ZNF592: variants seen among roughly 807,000 people sequenced by gnomAD.
ZNF592 encodes zinc finger protein 592, also known as spinocerebellar ataxia, autosomal recessive 5.
A neutral mutation model predicts 80.3 loss-of-function variants in ZNF592; 11 were observed. The observed-to-expected ratio is 0.14, with a 90% CI of 0.09 to 0.23. The LOEUF (loss-of-function observed/expected upper bound fraction) is 0.23. ZNF592 is among the 10% of genes least tolerant of loss of function. ZNF592 has a pLI of 1.00. For synonymous variants in ZNF592, 646 were observed against 640.3 expected (o/e 1.01, Z -0.13); for missense variants, 1,420 against 1,633.9 (o/e 0.87, Z 2.26).
At position 84,799,961 on chromosome 15, in the gene ZNF592, G is replaced by A. The variant is rs762289759; in HGVS notation, c.3257G>A (p.Gly1086Asp). The part of the protein sequence containing the change: ...LSQTSKVKPP[G>D]GHSPQVNHLK... ...CAGACGTCCAAAGTGAAACCTCCGG[G>A]TGGACATTCCCCTCAGGTGAGTGTG... The change falls in exon 10 of 11, where the codon GGT becomes GAT. Residue 1086 changes from glycine to aspartate, a missense_variant. This residue lies in a region of ZNF592 where 331 missense variants were observed against 347.0 expected (regional missense o/e 0.95). Transcript: ENST00000560079. This position sits in a 1 kb window ranked among gnomAD's most constrained non-coding sequence, Gnocchi z 4.2. The A allele has an allele frequency of 3.1e-6, 5 of 1,614,230 alleles. No homozygotes were observed. Among genetic ancestry groups the A allele is most frequent in the Non-Finnish European group, 3.4e-6 (4 of 1,180,042 alleles).
chr15:84,798,028 G>C lies in ZNF592; in HGVS notation c.2559G>C (p.Gln853His), dbSNP rs181448204. 1.6e-4 allele frequency: 261 copies of C among 1,613,928 alleles called. No homozygotes were observed. The East Asian group carries it at 4.9e-3, about 30-fold the overall frequency. ...ACAGTGCCACCCAGCACCCCACCCAGCCCCACAGACCCTCCCAGTGAGTGC... is the reference window on the plus strand; with the variant it reads ...ACAGTGCCACCCAGCACCCCACCCACCCCCACAGACCCTCCCAGTGAGTGC... Reference protein sequence around the residue: ...ADHSATQHPTQPHRPSQLIYK... With the variant: ...ADHSATQHPTHPHRPSQLIYK... The change falls in exon 6 of 11, where the codon CAG (glutamine) becomes CAC (histidine). Residue 853 changes from glutamine (Q) to histidine (H), a missense_variant. By Grantham distance (24) the Gln-to-His change is conservative (BLOSUM62 0). Transcript: ENST00000560079. This position sits in a 1 kb window ranked among gnomAD's most constrained non-coding sequence, Gnocchi z 4.5.
At position 84,784,448 on chromosome 15, in the gene ZNF592, G is replaced by T. The variant is rs756692996; in HGVS notation, c.1773G>T (p.Glu591Asp). ...CGGCCAGTGGGTACTGCTGCCTGGA[G>T]TGTGGAGACGCATTTGCCTTAGAGA... ...HVPASGYCCL[E>D]CGDAFALEKS... Residue 591 changes from glutamate (E) to aspartate (D), a missense_variant, in exon 4 of 11, where the codon GAG becomes GAT. Physicochemically the swap from Glu to Asp is conservative, Grantham distance 45 (BLOSUM62 2). Coordinates refer to ENST00000560079, the MANE Select transcript of ZNF592 (RefSeq NM_014630.3). The surrounding 1 kb of genome is among the most constrained non-coding windows in gnomAD (Gnocchi z 5.8). 5.1e-5 allele frequency: 83 copies of T among 1,614,098 alleles called. No homozygotes were observed. Among genetic ancestry groups the T allele is most frequent in the Non-Finnish European group, 6.9e-5 (82 of 1,180,052 alleles).
intron 10 of ZNF592, 60 bp downstream of exon 10, chr15:84,800,037 G>C: frequency 6.2e-7 from 1 of 1,612,828 alleles, no homozygotes; most frequent in East Asian, 2.2e-5. Context: ...GAGCTGGAAG[G>C]GCATTAGGAA....
intron 1 of ZNF592, among the ~76,000 whole-genome samples, chr15:84,759,046 C>T (rs575072301): frequency 6.6e-6 from 1 of 152,266 alleles, no homozygotes; most frequent in South Asian, 2.1e-4. Context: ...TCCCTATGCC[C>T]TTTGCCTTGC....
At chr15:84,758,095 C>T (rs1899233220) in intron 1 of ZNF592, among the ~76,000 whole-genome samples, 1 of 151,978 alleles carries the variant, frequency 6.6e-6, no homozygotes, top group Non-Finnish European at 1.5e-5. Context: ...GCCTCAGCCT[C>T]CCGAGTAGCT....
intron 2 of ZNF592, among the ~76,000 whole-genome samples, chr15:84,775,409 GTT>G (rs1491057959): frequency 4.3e-5 from 4 of 92,930 alleles, no homozygotes; most frequent in African/African-American, 9.3e-5. Context: ...CATACTGGGT[GTT>G]GTTGTTGTTG....
chr15:84,778,699 A>G (rs1295280785), intron 3 of ZNF592, among the ~76,000 whole-genome samples: 1 of 152,142 alleles, frequency 6.6e-6, no homozygotes, highest in African/African-American at 2.4e-5. Context: ...TGGAGATGCT[A>G]CACTAACTGC....
At position 84,784,574 on chromosome 15, in the gene ZNF592, C is replaced by G. The variant is rs928493000; in HGVS notation, c.1899C>G (p.Leu633=). 8.1e-6 allele frequency: 13 copies of G among 1,614,096 alleles called. No homozygotes were observed. The highest frequency in any genetic ancestry group is 1.1e-5 in the Non-Finnish European group (13 of 1,180,050). The change falls in exon 4 of 11, where the codon CTC becomes CTG. Residue 633 remains leucine (L), a synonymous_variant. Transcript: ENST00000560079. This position sits in a 1 kb window ranked among gnomAD's most constrained non-coding sequence, Gnocchi z 5.8. ...TCTTCTTCAACAAGTGCAGCCTGCT[C>G]CGGCACGCCCGTGACCACAAGAGCA... ...TLLFFNKCSL[L]RHARDHKSKG...
Position 84,784,358 on chromosome 15 carries a change from C to G in ZNF592, c.1683C>G (p.Ser561Arg). 1 of 1,614,222 alleles carries G rather than the reference C, an allele frequency of 6.2e-7. No homozygotes were observed. The highest frequency in any genetic ancestry group is 1.3e-5 in the African/African-American group (1 of 75,070). The change falls in exon 4 of 11, where the codon AGC becomes AGG. Residue 561 changes from serine (S) to arginine (R), a missense_variant. Around this residue, in one of 7 missense-constraint regions of ZNF592, gnomAD observed 524 missense variants for 628.3 expected, o/e 0.83. Coordinates refer to ENST00000560079, the MANE Select transcript of ZNF592 (RefSeq NM_014630.3). This position sits in a 1 kb window ranked among gnomAD's most constrained non-coding sequence, Gnocchi z 5.8. The part of the protein sequence containing the change: ...IVEVFNKVLH[S>R]SNPVPLYAPN... ...AGGTCTTCAACAAGGTCCTTCACAG[C>G]TCCAACCCCGTGCCCCTCTATGCGC...
chr15:84,782,750 T>C lies in ZNF592; in HGVS notation c.75T>C (p.Asp25=). The change falls in exon 4 of 11, where the codon GAT becomes GAC. Residue 25 remains aspartate (D), a synonymous_variant. Coordinates refer to ENST00000560079, the MANE Select transcript of ZNF592 (RefSeq NM_014630.3). ...AFDIPDPTSL[D]AKEAIQTPSE... is the part of the protein sequence containing the mutation. ...ACATCCCAGACCCCACCAGCCTTGATGCCAAGGAGGCCATCCAGACACCCA... is the reference window on the plus strand; with the variant it reads ...ACATCCCAGACCCCACCAGCCTTGACGCCAAGGAGGCCATCCAGACACCCA... The C allele has an allele frequency of 6.2e-7, 1 of 1,614,134 alleles. No homozygotes were observed. The highest frequency in any genetic ancestry group is 1.1e-5 in the South Asian group (1 of 91,082).
chr15:84,777,933 G>C (rs1962310792), intron 2 of ZNF592, among the ~76,000 whole-genome samples: 1 of 151,942 alleles, frequency 6.6e-6, no homozygotes, highest in Non-Finnish European at 1.5e-5. Context: ...CTCGTGACCT[G>C]GTGATCCGCC....
At chr15:84,777,694 CTTTTTT>C (rs397854471) in intron 2 of ZNF592, among the ~76,000 whole-genome samples, 2 of 98,426 alleles carry the variant, frequency 2.0e-5, no homozygotes, top group East Asian at 6.1e-4. Context: ...TGTTGAGATA[CTTTTTT>C]TTTTTTTTTT....
chr15:84,789,951 C>G (rs554606207), intron 4 of ZNF592, among the ~76,000 whole-genome samples: 1 of 152,178 alleles, frequency 6.6e-6, no homozygotes, highest in South Asian at 2.1e-4. Flanking sequence ...CCCATCAGAG[C>G]GTAATTAGTC....
chr15:84,762,880 C>T (rs562513777), intron 1 of ZNF592, among the ~76,000 whole-genome samples: 3 of 152,300 alleles, frequency 2.0e-5, no homozygotes, highest in South Asian at 4.1e-4. Flanking sequence ...ATCTCTTTGG[C>T]TCCGATAGTC....
At chr15:84,765,759 C>T (rs1433635734) in intron 2 of ZNF592, among the ~76,000 whole-genome samples, 1 of 151,760 alleles carries the variant, frequency 6.6e-6, no homozygotes, top group African/African-American at 2.4e-5. Flanking sequence ...GGATGGTCTC[C>T]ATCTCTTGAC....
intron 1 of ZNF592, among the ~76,000 whole-genome samples, chr15:84,764,068 C>T (rs1246428552): frequency 6.6e-6 from 1 of 152,206 alleles, no homozygotes; most frequent in East Asian, 1.9e-4. Flanking sequence ...CTGCTATCTG[C>T]CCCCGCCATG....
chr15:84,799,991 C>T lies in ZNF592; in HGVS notation c.3273+14C>T. 2 of 1,614,148 alleles carry T rather than the reference C, an allele frequency of 1.2e-6. No homozygotes were observed. The highest frequency in any genetic ancestry group is 1.3e-5 in the African/African-American group (1 of 75,042). ...CATTCCCCTCAGGTGAGTGTGGGCT[C>T]CCTGCCTATTGGAGCTGGCTGCTCA... On this transcript the variant is annotated intron_variant, in intron 10 of 10. Coordinates refer to ENST00000560079, the MANE Select transcript of ZNF592 (RefSeq NM_014630.3). This position sits in a 1 kb window ranked among gnomAD's most constrained non-coding sequence, Gnocchi z 4.2.
chr15:84,802,765 C>T lies in ZNF592; in HGVS notation c.*372C>T. On this transcript the variant is annotated 3_prime_UTR_variant, in exon 11 of 11. Transcript: ENST00000560079. ...GAGGTTCCCGCTTGCTGCCTTCAGC[C>T]AGGGCGCTCCTCAGAGCTCTATTTT... is the stretch of plus-strand genomic sequence containing the variant. The T allele has an allele frequency of 3.4e-6, 1 of 291,108 alleles. No homozygotes were observed. Among genetic ancestry groups the T allele is most frequent in the Non-Finnish European group, 6.7e-6 (1 of 148,758 alleles). The allele number at this position is 291,108 out of a possible 1,614,324, so 18.0% of individuals were successfully genotyped here.
At chr15:84,775,166 G>T (rs1962207866) in intron 2 of ZNF592, among the ~76,000 whole-genome samples, 1 of 151,900 alleles carries the variant, frequency 6.6e-6, no homozygotes, top group Admixed American at 6.6e-5. Context: ...TGCAATCTTG[G>T]CTCACTGCAA....
Sources: allele counts gnomAD v4.1 joint callset (sites outside exome capture counted in the v4.1 genomes callset), GRCh38; gene constraint gnomAD v4.1.1; regional missense constraint gnomAD v4.1.1; non-coding constraint Gnocchi (gnomAD v3.1); transcripts MANE v1.5; gene names NCBI Gene and HGNC (gene_info 2026-07-23, HGNC 2026-07-21).